Variants in SLC45A4 observed in about 807,000 individuals in gnomAD.
The protein encoded by SLC45A4 is polyamine-transporter SLC45A4.
SLC45A4 carries 32 observed loss-of-function variants against 63.7 expected under a neutral mutation model. That is an observed-to-expected ratio of 0.50 (90% CI 0.38 to 0.67). SLC45A4 has a LOEUF of 0.67. Among genes scored for constraint, SLC45A4 ranks in the 30% least tolerant of loss-of-function variants. The pLI is 0.00. For synonymous variants in SLC45A4, 535 were observed against 510.0 expected (o/e 1.05, Z -0.66); for missense variants, 1,027 against 1,157.7 (o/e 0.89, Z 1.64).
intron 2 of SLC45A4, among the ~76,000 whole-genome samples, chr8:141,237,782 G>A (rs182331871): frequency 1.6e-4 from 25 of 152,228 alleles, no homozygotes; most frequent in Non-Finnish European, 2.9e-4. Flanking sequence ...TCACGTGCTC[G>A]TATCTCCAAG....
intron 1 of SLC45A4, among the ~76,000 whole-genome samples, chr8:141,282,332 A>G (rs1398479804): frequency 1.3e-5 from 2 of 152,196 alleles, no homozygotes; most frequent in African/African-American, 4.8e-5. Flanking sequence ...AGTTTCCTCG[A>G]ATTTCCTGAA....
intron 1 of SLC45A4, among the ~76,000 whole-genome samples, chr8:141,304,763 C>T (rs759048177): frequency 1.1e-4 from 16 of 152,148 alleles, no homozygotes; most frequent in Admixed American, 2.0e-4. Flanking sequence ...ATAACACCCA[C>T]GTCGTCTGAG....
chr8:141,287,502 C>T (rs1346134691), intron 1 of SLC45A4, among the ~76,000 whole-genome samples: 1 of 152,226 alleles, frequency 6.6e-6, no homozygotes. Flanking sequence ...TCTGGAGTTT[C>T]CCATTTCCAT....
At chr8:141,263,787 A>AAAAAT (rs1563657435) in intron 1 of SLC45A4, among the ~76,000 whole-genome samples, 6 of 143,848 alleles carry the variant, frequency 4.2e-5, no homozygotes, top group Non-Finnish European at 4.5e-5. Flanking sequence ...AAAAAAATAA[A>AAAAAT]AATAATAATA....
rs1569557787 is a variant in SLC45A4 at position 141,211,499 on chromosome 8, C to CGCTGCCCAAGGACAGG, written c.*57_*72dup. On this transcript the variant is annotated 3_prime_UTR_variant, in exon 9 of 9. Transcript: ENST00000517878. ...CCTCCTCCCAGCTTTGGTGTGCGGTCGCTGCCCAAGGACAGGGCTGCCCTG... is the reference window on the plus strand; with the variant it reads ...CCTCCTCCCAGCTTTGGTGTGCGGTCGCTGCCCAAGGACAGGGCTGCCCAAGGACAGGGCTGCCCTG... The CGCTGCCCAAGGACAGG allele has an allele frequency of 6.2e-7, 1 of 1,608,480 alleles. No homozygotes were observed. The highest frequency in any genetic ancestry group is 2.2e-5 in the East Asian group (1 of 44,728).
At chr8:141,299,217 A>G (rs1011038678) in intron 1 of SLC45A4, among the ~76,000 whole-genome samples, 9 of 152,210 alleles carry the variant, frequency 5.9e-5, no homozygotes, top group Non-Finnish European at 1.2e-4. Flanking sequence ...CCCAGCCCGG[A>G]CTATAAACTC....
At chr8:141,268,848 T>C (rs1354763739) in intron 1 of SLC45A4, among the ~76,000 whole-genome samples, 1 of 152,110 alleles carries the variant, frequency 6.6e-6, no homozygotes, top group African/African-American at 2.4e-5. Context: ...GGGTGTGCTA[T>C]GCATCACCTG....
chr8:141,304,860 C>A (rs1236490736), intron 1 of SLC45A4, among the ~76,000 whole-genome samples: 4 of 152,176 alleles, frequency 2.6e-5, no homozygotes, highest in Non-Finnish European at 4.4e-5. Context: ...CGGCTGCCCT[C>A]TAAGTCTGTG....
chr8:141,257,138 C>T (rs1322849786), intron 1 of SLC45A4, among the ~76,000 whole-genome samples: 1 of 152,224 alleles, frequency 6.6e-6, no homozygotes, highest in Non-Finnish European at 1.5e-5. Flanking sequence ...AAGCGTGGGG[C>T]ACCACACCCA....
At chr8:141,284,814 G>A (rs1830079399) in intron 1 of SLC45A4, among the ~76,000 whole-genome samples, 1 of 151,802 alleles carries the variant, frequency 6.6e-6, no homozygotes, top group African/African-American at 2.4e-5. Context: ...CGCACCCCAG[G>A]AGGCCCTTCT....
Position 141,253,287 on chromosome 8 carries a change from A to C in SLC45A4, c.241+702T>G, listed in dbSNP as rs7010442. 515 of 169,150 alleles carry C rather than the reference A, an allele frequency of 3.0e-3. 14 individuals carry two copies. Among genetic ancestry groups the C allele is most frequent in the African/African-American group, 0.013 (489 of 38,794 alleles). The allele number at this position is 169,150 out of a possible 1,614,324, so 10.5% of individuals were successfully genotyped here. A position where few individuals can be genotyped will look rare whatever the true frequency, so the allele number is the denominator to read the frequency against. ...TGTGAATTTCCGTGTTTTCATGCCCACCTGCGTGTGTCTGTGAATTTCTGT... is the reference window on the plus strand; with the variant it reads ...TGTGAATTTCCGTGTTTTCATGCCCCCCTGCGTGTGTCTGTGAATTTCTGT... On this transcript the variant is annotated intron_variant, in intron 2 of 8. Coordinates refer to ENST00000517878, the MANE Select transcript of SLC45A4 (RefSeq NM_001286646.2).
At chr8:141,259,326 C>T (rs961773047) in intron 1 of SLC45A4, among the ~76,000 whole-genome samples, 3 of 152,214 alleles carry the variant, frequency 2.0e-5, no homozygotes, top group Admixed American at 6.5e-5. Context: ...CCAGTGATGG[C>T]GCTGCACGTT....
intron 2 of SLC45A4, among the ~76,000 whole-genome samples, chr8:141,250,801 AC>A (rs1333911566): frequency 6.6e-6 from 1 of 152,228 alleles, no homozygotes; most frequent in South Asian, 2.1e-4. Context: ...ACTGGGACAT[AC>A]CCCCGTTGCA....
In SLC45A4 at chr8:141,239,600, G is replaced by A. The variant is rs373454255; in HGVS notation, c.241+14389C>T. On this transcript the variant is annotated intron_variant, in intron 2 of 8. Transcript: ENST00000517878. ...CACACACACACACACACACACACAC[G>A]CACGCACACACACAGCATCATGAGG... Among the ~76,000 whole-genome samples, 405 of 147,694 alleles carry A rather than the reference G, an allele frequency of 2.7e-3. 2 individuals are homozygous for A. Among genetic ancestry groups the A allele is most frequent in the African/African-American group, 9.8e-3 (390 of 39,964 alleles).
intron 1 of SLC45A4, among the ~76,000 whole-genome samples, chr8:141,276,512 C>A (rs1019609651): frequency 6.6e-6 from 1 of 152,184 alleles, no homozygotes; most frequent in Non-Finnish European, 1.5e-5. Context: ...GTGGCAGGTC[C>A]ATAACCCCAC....
intron 2 of SLC45A4, among the ~76,000 whole-genome samples, chr8:141,228,887 C>T (rs1827187893): frequency 6.6e-6 from 1 of 152,118 alleles, no homozygotes; most frequent in African/African-American, 2.4e-5. Flanking sequence ...CTCTGGGGTC[C>T]CCTAACTCAG....
rs548003199 is a variant in SLC45A4, at chr8:141,263,157, T to C, written c.-400-8528A>G. Among the ~76,000 whole-genome samples the C allele has an allele frequency of 3.8e-5, 5 of 132,086 alleles. No homozygotes were observed. In the South Asian group the frequency reaches 1.1e-3, roughly 30 times the overall value. The allele number at this position is 132,086 out of a possible 152,430, so 86.7% of individuals were successfully genotyped here. On this transcript the variant is annotated intron_variant, in intron 1 of 8. Coordinates refer to ENST00000517878, the MANE Select transcript of SLC45A4 (RefSeq NM_001286646.2). Reference sequence around the variant, plus strand: ...CGTGTTCTCACTCATAGATGGGAATTGAACAATGAGAACACATGGACACAG... The same window carrying C: ...CGTGTTCTCACTCATAGATGGGAATCGAACAATGAGAACACATGGACACAG...
At chr8:141,299,685 C>T (rs374765607) in intron 1 of SLC45A4, among the ~76,000 whole-genome samples, 3 of 152,348 alleles carry the variant, frequency 2.0e-5, no homozygotes, top group African/African-American at 7.2e-5. Flanking sequence ...TTCTAGTACT[C>T]CTGGCTGGGA....
At position 141,256,341 on chromosome 8, in the gene SLC45A4, T is replaced by G. The variant is rs770535447; in HGVS notation, c.-400-1712A>C. 2.9e-6 allele frequency: 1 copy of G among 349,344 alleles called. No homozygotes were observed. Among genetic ancestry groups the G allele is most frequent in the Non-Finnish European group, 5.7e-6 (1 of 175,350 alleles). 21.6% of individuals were successfully genotyped at this position (349,344 alleles called of 1,614,324 possible). A position where few individuals can be genotyped will look rare whatever the true frequency, so the allele number is the denominator to read the frequency against. On this transcript the variant is annotated intron_variant, in intron 1 of 8. Coordinates refer to ENST00000517878, the MANE Select transcript of SLC45A4 (RefSeq NM_001286646.2). This position sits in a 1 kb window ranked among gnomAD's most constrained non-coding sequence, Gnocchi z 4.3. ...GTAGGTCTATGGGCCAATACCTTAC[T>G]GAGAATTTTTCCAACAACTGGTTTC... is the stretch of plus-strand genomic sequence containing the variant.
Sources: gnomAD v4.1 joint callset for allele counts (sites outside exome capture counted in the v4.1 genomes callset) on GRCh38, gnomAD v4.1.1 for gene constraint, Gnocchi (gnomAD v3.1) non-coding constraint, MANE v1.5 for transcripts, NCBI Gene and HGNC (gene_info 2026-07-23, HGNC 2026-07-21) for gene names.